NPAS4: variants seen among roughly 807,000 people sequenced by gnomAD.
NPAS4 encodes neuronal PAS domain protein 4.
In NPAS4, 10 loss-of-function variants were observed where a neutral mutation model predicts 64.0. The observed-to-expected ratio is 0.16, with a 90% CI of 0.10 to 0.26. The LOEUF (loss-of-function observed/expected upper bound fraction) is 0.26, where lower values mean the gene tolerates loss of function less well. Among genes scored for constraint, NPAS4 ranks in the 10% least tolerant of loss-of-function variants. NPAS4 has a pLI of 1.00. For missense variants in NPAS4, 886 were observed against 992.6 expected, an observed-to-expected ratio of 0.89 and a Z score of 1.44; for synonymous variants, 441 against 411.7, an observed-to-expected ratio of 1.07 and a Z score of -0.86.
rs1461730777 is a variant in NPAS4 at position 66,423,095 on chromosome 11, G to A, written c.699-28G>A. 2.6e-6 allele frequency: 4 copies of A among 1,551,374 alleles called. No homozygotes were observed. In the African/African-American group the frequency reaches 5.4e-5, roughly 21 times the overall value. On this transcript the variant is annotated intron_variant, in intron 4 of 7. Transcript: ENST00000311034. ...GGGTATCAAGCAAGGAAAACAGAAA[G>A]CTGACCTCACCCTTTCCACCTTCCC...
In NPAS4 at chr11:66,426,033, CA is replaced by C. The variant is rs1488463611; in HGVS notation, c.*46del. The stretch of plus-strand genomic sequence containing the variant: ...GTCGTCAAGTATGGCATATTGTCAT[CA>C]AGACGTGGAGCCGCTCTCCACCCCC... On this transcript the variant is annotated 3_prime_UTR_variant, in exon 8 of 8. Transcript: ENST00000311034. 1.3e-6 allele frequency: 2 copies of C among 1,510,472 alleles called. No homozygotes were observed. Among genetic ancestry groups the C allele is most frequent in the Non-Finnish European group, 1.8e-6 (2 of 1,090,274 alleles). The allele number at this position is 1,510,472 out of a possible 1,614,324, so 93.6% of individuals were successfully genotyped here.
rs1021725847 is a variant in NPAS4, at chr11:66,424,312, T to C, written c.1422T>C (p.Ser474=). The part of the protein sequence containing the change: ...ATFSDQLTPS[S]ATFPDPLTSP... Reference sequence around the variant, plus strand: ...TCTCTGATCAGTTGACGCCCAGCAGTGCAACCTTCCCAGATCCACTAACTA... The same window carrying C: ...TCTCTGATCAGTTGACGCCCAGCAGCGCAACCTTCCCAGATCCACTAACTA... Residue 474 remains serine, a synonymous_variant, in exon 7 of 8, where the codon AGT becomes AGC. Coordinates refer to ENST00000311034, the MANE Select transcript of NPAS4 (RefSeq NM_178864.4). 2 of 1,614,064 alleles carry C rather than the reference T, an allele frequency of 1.2e-6. No homozygotes were observed. The highest frequency in any genetic ancestry group is 1.7e-6 in the Non-Finnish European group (2 of 1,180,042).
the NPAS4 span, chr11:66,409,700 T>G: frequency 6.6e-6 from 1 of 152,210 alleles, no homozygotes; most frequent in East Asian, 1.9e-4. Flanking sequence ...AGGAAGAGCA[T>G]GGGCCAGAAC....
upstream of NPAS4, among the ~76,000 whole-genome samples, chr11:66,420,037 T>A (rs547053108): frequency 1.3e-5 from 2 of 152,180 alleles, no homozygotes; most frequent in Non-Finnish European, 2.9e-5. Flanking sequence ...AGGATTCCTG[T>A]CCTAATATGG....
intron 1 of NPAS4, 134 bp downstream of exon 1, chr11:66,421,488 T>G: frequency 1.4e-6 from 1 of 724,860 alleles, no homozygotes; most frequent in Non-Finnish European, 2.3e-6. Flanking sequence ...CTCGGGAGAT[T>G]CGGGACTTTC....
chr11:66,423,043 G>A, intron 4 of NPAS4, 80 bp from the exon 5 acceptor site: 1 of 1,502,092 alleles, frequency 6.7e-7, no homozygotes, highest in Non-Finnish European at 9.1e-7. Flanking sequence ...TAGGGGGGCA[G>A]AGGATCTGGG....
intron 1 of NPAS4, 70 bp from the exon 2 acceptor site, chr11:66,422,050 C>A: frequency 2.2e-6 from 3 of 1,384,518 alleles, no homozygotes; most frequent in Non-Finnish European, 3.0e-6. Flanking sequence ...GAAACTCAGA[C>A]CATGCCTTCC....
chr11:66,422,282 A>AG lies in NPAS4; in HGVS notation c.327+14dup. The AG allele has an allele frequency of 6.2e-7, 1 of 1,613,854 alleles. No individual in the cohort carries two copies. Among genetic ancestry groups the AG allele is most frequent in the Non-Finnish European group, 8.5e-7 (1 of 1,179,868 alleles). ...CTGGGCCACTCCATGGTGAGTGCTA[A>AG]GGGTCCTTTCAGCTGAGGCTGGGCA... is the stretch of plus-strand genomic sequence containing the variant. On this transcript the variant is annotated intron_variant, in intron 2 of 7. Coordinates refer to ENST00000311034, the MANE Select transcript of NPAS4 (RefSeq NM_178864.4).
chr11:66,423,797 G>A (rs1336791978), intron 6 of NPAS4, 38 bp from the exon 7 acceptor site: 4 of 1,601,368 alleles, frequency 2.5e-6, no homozygotes, highest in Non-Finnish European at 3.4e-6. Context: ...GGATATGGAC[G>A]TCGGACCCTT....
At chr11:66,414,167 A>G in the NPAS4 span, among the ~76,000 whole-genome samples, 1 of 152,138 alleles carries the variant, frequency 6.6e-6, no homozygotes, top group Non-Finnish European at 1.5e-5. Context: ...CCCGGACCTC[A>G]CTGGAGGACC....
chr11:66,423,761 G>A (rs1408688884), intron 6 of NPAS4, 48 bp downstream of exon 6: 1 of 1,611,840 alleles, frequency 6.2e-7, no homozygotes, highest in East Asian at 2.2e-5. Context: ...TCGTCATGGA[G>A]GAGACACAAA....
upstream of NPAS4, among the ~76,000 whole-genome samples, chr11:66,418,584 T>C (rs1007727535): frequency 3.9e-5 from 6 of 152,144 alleles, no homozygotes; most frequent in African/African-American, 1.4e-4. Flanking sequence ...AGCCCTTCTC[T>C]ACCCCCTCCC....
chr11:66,419,475 C>G (rs1459695051), upstream of NPAS4, among the ~76,000 whole-genome samples: 1 of 152,166 alleles, frequency 6.6e-6, no homozygotes, highest in Non-Finnish European at 1.5e-5. Context: ...TCCTGTGTGA[C>G]TGGGACTTCC....
chr11:66,426,286 G>T lies in NPAS4; in HGVS notation c.*297G>T. 2.8e-6 allele frequency: 1 copy of T among 362,008 alleles called. No individual in the cohort carries two copies. Among genetic ancestry groups the T allele is most frequent in the Non-Finnish European group, 5.2e-6 (1 of 192,568 alleles). The allele number at this position is 362,008 out of a possible 1,614,324, so 22.4% of individuals were successfully genotyped here. On this transcript the variant is annotated 3_prime_UTR_variant, in exon 8 of 8. Transcript: ENST00000311034. ...AATGGGGGAGTCTCACTTCCCCGCC[G>T]CCTTGCCCCATTGGCCTGGGCCAGT...
upstream of NPAS4, among the ~76,000 whole-genome samples, chr11:66,420,222 A>C (rs1856720067): frequency 6.6e-6 from 1 of 152,246 alleles, no homozygotes; most frequent in Admixed American, 6.5e-5. Context: ...CCCTTCAGTA[A>C]GGTTAATTAG....
chr11:66,419,794 T>A (rs1208040768), upstream of NPAS4, among the ~76,000 whole-genome samples: 3 of 152,010 alleles, frequency 2.0e-5, no homozygotes, highest in Non-Finnish European at 4.4e-5. Flanking sequence ...AGTGGAGAGC[T>A]GAAGGTGGAG....
intron 1 of NPAS4, 122 bp downstream of exon 1, chr11:66,421,476 G>A: frequency 2.5e-6 from 2 of 812,220 alleles, no homozygotes; most frequent in Non-Finnish European, 4.0e-6. Flanking sequence ...GGAGATTCGG[G>A]ACTCGGGAGA....
At chr11:66,416,099 A>G (rs1260878375), upstream of NPAS4, among the ~76,000 whole-genome samples, 3 of 151,848 alleles carry the variant, frequency 2.0e-5, no homozygotes, top group Non-Finnish European at 3.0e-5. Context: ...AAGACTGTAT[A>G]TAAATAACAA....
At position 66,424,005 on chromosome 11, in the gene NPAS4, G is replaced by A. The variant is rs1590695628; in HGVS notation, c.1115G>A (p.Ser372Asn). ...LFTAALGAPRSTSFPSAPELS... is the reference protein window; with the variant it reads ...LFTAALGAPRNTSFPSAPELS... ...ACCGCAGCACTGGGGGCTCCCAGAA[G>A]CACCAGCTTCCCCAGTGCTCCTGAA... The change falls in exon 7 of 8, where the codon AGC becomes AAC. Residue 372 changes from serine (S) to asparagine (N), a missense_variant. By Grantham distance (46) the Ser-to-Asn change is conservative (BLOSUM62 1). Coordinates refer to ENST00000311034, the MANE Select transcript of NPAS4 (RefSeq NM_178864.4). The A allele has an allele frequency of 1.2e-6, 2 of 1,614,150 alleles. No homozygotes were observed. Among genetic ancestry groups the A allele is most frequent in the East Asian group, 4.5e-5 (2 of 44,884 alleles).
Sources: gnomAD v4.1 joint callset for allele counts (sites outside exome capture counted in the v4.1 genomes callset) on GRCh38, gnomAD v4.1.1 for gene constraint, MANE v1.5 for transcripts, NCBI Gene and HGNC (gene_info 2026-07-23, HGNC 2026-07-21) for gene names.